SCAF8: variants seen among roughly 807,000 people sequenced by gnomAD.
SCAF8 encodes the protein SR-related CTD associated factor 8.
Under a neutral mutation model 140.5 loss-of-function variants are expected in SCAF8, and 23 were observed. The ratio of observed to expected loss-of-function variants is 0.16; its 90% confidence interval spans 0.12 to 0.23. The LOEUF (loss-of-function observed/expected upper bound fraction) is 0.23. SCAF8 is among the 10% of genes least tolerant of loss of function. The pLI is 1.00. For synonymous variants in SCAF8, 575 were observed against 528.9 expected (o/e 1.09, Z -1.20); for missense variants, 1,397 against 1,555.7 (o/e 0.90, Z 1.72).
intron 12 of SCAF8, among the ~76,000 whole-genome samples, chr6:154,813,627 A>G (rs1778158608): frequency 1.3e-5 from 2 of 152,222 alleles, no homozygotes; most frequent in South Asian, 4.1e-4. Context: ...AAAGGTATCT[A>G]CATTTAAATC....
At position 154,738,953 on chromosome 6, in the gene SCAF8, T is replaced by C. The variant is rs190765149; in HGVS notation, c.30+5023T>C. Among the ~76,000 whole-genome samples, 13 of 152,204 alleles carry C rather than the reference T, an allele frequency of 8.5e-5. No individual in the cohort carries two copies. The East Asian group carries it at 1.9e-3, about 23-fold the overall frequency. On this transcript the variant is annotated intron_variant, in intron 1 of 19. Transcript: ENST00000367178. Reference sequence around the variant, plus strand: ...CAGTGGCAGTGCATGACCCATTCTTTCCTTTAGTTTGAGAGGGCATTTTAA... The same window carrying C: ...CAGTGGCAGTGCATGACCCATTCTTCCCTTTAGTTTGAGAGGGCATTTTAA...
chr6:154,735,186 T>G lies in SCAF8; in HGVS notation c.30+1256T>G, dbSNP rs554599850. Among the ~76,000 whole-genome samples the G allele has an allele frequency of 2.0e-5, 3 of 152,202 alleles. No individual in the cohort carries two copies. In the East Asian group the frequency reaches 5.8e-4, roughly 29 times the overall value. Reference sequence around the variant, plus strand: ...GCTGGTAACTAAATTAGCATAAATTTTATGAACTCTTAAAGTGCCAATACT... The same window carrying G: ...GCTGGTAACTAAATTAGCATAAATTGTATGAACTCTTAAAGTGCCAATACT... On this transcript the variant is annotated intron_variant, in intron 1 of 19. Transcript: ENST00000367178.
At chr6:154,822,676 G>GT (rs1778455394) in intron 16 of SCAF8, among the ~76,000 whole-genome samples, 1 of 152,114 alleles carries the variant, frequency 6.6e-6, no homozygotes, top group East Asian at 1.9e-4. Context: ...TTAGGTTCAT[G>GT]TTTTTCTGAG....
intron 1 of SCAF8, among the ~76,000 whole-genome samples, chr6:154,737,526 A>G (rs150719472): frequency 2.6e-5 from 4 of 151,942 alleles, no homozygotes; most frequent in South Asian, 2.1e-4. Context: ...AACAACAACA[A>G]CAACACAAAT....
chr6:154,783,357 A>AC (rs1335466999), intron 3 of SCAF8, among the ~76,000 whole-genome samples: 3 of 152,198 alleles, frequency 2.0e-5, no homozygotes, highest in Non-Finnish European at 4.4e-5. Context: ...AATACATTCT[A>AC]TGGTACTGTG....
intron 2 of SCAF8, among the ~76,000 whole-genome samples, chr6:154,775,348 C>T (rs1163593886): frequency 2.0e-5 from 3 of 152,082 alleles, no homozygotes; most frequent in African/African-American, 7.2e-5. Flanking sequence ...ATTTTATTCT[C>T]TTGTACTTTA....
chr6:154,759,016 G>A (rs930148103), intron 1 of SCAF8, among the ~76,000 whole-genome samples: 2 of 152,088 alleles, frequency 1.3e-5, no homozygotes, highest in East Asian at 1.9e-4. Flanking sequence ...TAAACACTAC[G>A]AAATTACCTC....
At chr6:154,738,565 A>G (rs1349556270) in intron 1 of SCAF8, among the ~76,000 whole-genome samples, 1 of 152,220 alleles carries the variant, frequency 6.6e-6, no homozygotes. Context: ...CACTACTTTC[A>G]ATTCTGAAAT....
In SCAF8 at chr6:154,822,298, A is replaced by C; in HGVS notation, c.1815A>C (p.Ser605=). The change falls in exon 16 of 20, where the codon TCA becomes TCC. Residue 605 remains serine, a synonymous_variant. Coordinates refer to ENST00000367178, the MANE Select transcript of SCAF8 (RefSeq NM_014892.5). ...TAGAGTGGGAAACTGTGAAAAGCTC[A>C]GAACCTGTTAAAGAGACGGTCCAGA... is the stretch of plus-strand genomic sequence containing the variant. ...VNTEWETVKS[S]EPVKETVQTT... is the part of the protein sequence containing the mutation. 6.2e-7 allele frequency: 1 copy of C among 1,612,616 alleles called. No homozygotes were observed. The highest frequency in any genetic ancestry group is 1.3e-5 in the African/African-American group (1 of 74,974).
chr6:154,824,228 CA>C lies in SCAF8; in HGVS notation c.1927-2del, dbSNP rs1347869343. ...ATGAGTGAACTTTTTTGTCTATCCACAAAAGATTCCAGTGGCGCCAGCCGTG... is the reference window on the plus strand; with the variant it reads ...ATGAGTGAACTTTTTTGTCTATCCACAAAGATTCCAGTGGCGCCAGCCGTG... On this transcript the variant is annotated splice_region_variant and splice_polypyrimidine_tract_variant and intron_variant, in intron 16 of 19. Transcript: ENST00000367178. 1.2e-6 allele frequency: 2 copies of C among 1,612,990 alleles called. No individual in the cohort carries two copies. The highest frequency in any genetic ancestry group is 2.7e-5 in the African/African-American group (2 of 74,862).
chr6:154,814,472 A>G (rs1323408261), intron 12 of SCAF8, among the ~76,000 whole-genome samples: 1 of 152,226 alleles, frequency 6.6e-6, no homozygotes, highest in South Asian at 2.1e-4. Context: ...AGTGATTCCT[A>G]AAGCTTACAC....
chr6:154,806,408 G>T (rs546381730), intron 9 of SCAF8, among the ~76,000 whole-genome samples: 1 of 152,242 alleles, frequency 6.6e-6, no homozygotes, highest in East Asian at 1.9e-4. Context: ...TGGCATTAAT[G>T]AGTTTAACAA....
chr6:154,757,385 A>G (rs1778993861), intron 1 of SCAF8, among the ~76,000 whole-genome samples: 2 of 152,194 alleles, frequency 1.3e-5, no homozygotes, highest in South Asian at 4.1e-4. Context: ...CTGAGGGAAA[A>G]ATTAAGAGAA....
At position 154,795,121 on chromosome 6, in the gene SCAF8, A is replaced by G. The variant is rs1162349043; in HGVS notation, c.588A>G (p.Gln196=). Residue 196 remains glutamine, a synonymous_variant, in exon 6 of 20, where the codon CAA becomes CAG. Transcript: ENST00000367178. ...TTGCGGCTGTAGCTCAGATCTTGCA[A>G]AGTCCTCAAGGCCAGCAGGTGAGCG... The part of the protein sequence containing the change: ...DTLAAVAQIL[Q]SPQGQQLQQL... 2.4e-5 allele frequency: 38 copies of G among 1,608,658 alleles called. No individual in the cohort carries two copies. In the East Asian group the frequency reaches 8.3e-4, roughly 35 times the overall value.
intron 1 of SCAF8, among the ~76,000 whole-genome samples, chr6:154,751,676 CTTTG>C (rs1239743997): frequency 6.6e-6 from 1 of 152,060 alleles, no homozygotes; most frequent in Non-Finnish European, 1.5e-5. Flanking sequence ...TTTATATTCT[CTTTG>C]TTTACTGCTG....
At chr6:154,775,959 G>C (rs6557371) in intron 2 of SCAF8, among the ~76,000 whole-genome samples, 2,489 of 151,902 alleles carry the variant, frequency 0.016, 59 homozygotes, top group African/African-American at 0.047. Context: ...TTCATTCATA[G>C]TAACACTTAA....
At chr6:154,773,038 G>T (rs940520665) in intron 1 of SCAF8, among the ~76,000 whole-genome samples, 13 of 152,166 alleles carry the variant, frequency 8.5e-5, no homozygotes, top group Non-Finnish European at 1.6e-4. Context: ...GGAATTACAG[G>T]CATGAGCCAC....
intron 7 of SCAF8, 89 bp downstream of exon 7, chr6:154,802,236 G>A (rs1434406159): frequency 1.2e-6 from 1 of 806,654 alleles, no homozygotes; most frequent in African/African-American, 1.8e-5. Context: ...AAATTTTATT[G>A]TAGACTTTCA....
chr6:154,767,579 A>G (rs1248676880), intron 1 of SCAF8, among the ~76,000 whole-genome samples: 1 of 123,634 alleles, frequency 8.1e-6, no homozygotes, highest in African/African-American at 3.2e-5. Context: ...TCACTGTGTC[A>G]CCCAGGCTGG....
Sources: gnomAD v4.1 joint callset for allele counts (sites outside exome capture counted in the v4.1 genomes callset) on GRCh38, gnomAD v4.1.1 for gene constraint, MANE v1.5 for transcripts, NCBI Gene and HGNC (gene_info 2026-07-23, HGNC 2026-07-21) for gene names.